Variants in TRIM9 observed in about 807,000 individuals in gnomAD.
TRIM9 encodes E3 ubiquitin-protein ligase TRIM9.
TRIM9 carries 26 observed loss-of-function variants against 78.3 expected under a neutral mutation model. The ratio of observed to expected loss-of-function variants is 0.33; its 90% CI spans 0.24 to 0.46. The LOEUF is 0.46. TRIM9 is among the 20% of genes least tolerant of loss of function. TRIM9 has a pLI of 1.00. For missense variants in TRIM9, 787 were observed against 1,036.4 expected (o/e 0.76, Z 3.30); for synonymous variants, 398 against 416.5 (o/e 0.96, Z 0.54).
chr14:50,977,513 C>T (rs1260385709), intron 12 of TRIM9, among the ~76,000 whole-genome samples, 160 bp from the exon 13 acceptor site: 2 of 152,196 alleles, frequency 1.3e-5, no homozygotes, highest in Admixed American at 1.3e-4. Flanking sequence ...AGAATCCTGC[C>T]TATGGTAACA....
chr14:50,992,317 CCTG>C (rs2053612974), intron 7 of TRIM9, among the ~76,000 whole-genome samples: 5 of 152,090 alleles, frequency 3.3e-5, no homozygotes, highest in African/African-American at 1.2e-4. Flanking sequence ...GTGGCTCATG[CCTG>C]TAATCCCAGC....
Position 50,986,082 on chromosome 14 carries a change from T to C in TRIM9, c.1666A>G (p.Arg556Gly), listed in dbSNP as rs1260598448. Residue 556 changes from arginine to glycine, a missense_variant, in exon 8 of 13, where the codon AGA becomes GGA. By Grantham distance (125) the Arg-to-Gly change is moderately radical (BLOSUM62 -2). This residue lies in a region of TRIM9 where 421 missense variants were observed against 514.3 expected (regional missense o/e 0.82). Coordinates refer to ENST00000684578, the MANE Select transcript of TRIM9 (RefSeq NM_001387360.1). The stretch of plus-strand genomic sequence containing the variant: ...AGGGTGGAGGAGAAAGGACTCATTC[T>C]ACGGAGCGGCAATCTTTCCGAAGGC... ...PVPSERLPLR[R>G]MSPFSSTLNL... is the part of the protein sequence containing the mutation. The C allele has an allele frequency of 1.3e-6, 2 of 1,548,710 alleles. No homozygotes were observed. The highest frequency in any genetic ancestry group is 1.7e-4 in the Middle Eastern group (1 of 5,988).
In TRIM9 at chr14:51,094,416, G is replaced by A; in HGVS notation, c.524C>T (p.Pro175Leu). The change falls in exon 1 of 13, where the codon CCC (proline) becomes CTC (leucine). Residue 175 changes from proline to leucine, a missense_variant. Transcript: ENST00000684578. ...TTCGCACATGACGGTGGCTTCCTTG[G>A]GCGCCTTCTCGCAGAGCTGGCACTT... ...ALKCQLCEKA[P>L]KEATVMCEQC... The A allele has an allele frequency of 1.9e-6, 3 of 1,613,964 alleles. No homozygotes were observed. Among genetic ancestry groups the A allele is most frequent in the Non-Finnish European group, 2.5e-6 (3 of 1,180,008 alleles).
chr14:51,015,500 CTTTTCTTTTT>C (rs2057072813), intron 3 of TRIM9, among the ~76,000 whole-genome samples: 1 of 103,478 alleles, frequency 9.7e-6, no homozygotes, highest in Non-Finnish European at 1.9e-5. Flanking sequence ...TCTTTCTTTA[CTTTTCTTTTT>C]TTTTTTTTTT....
At position 50,978,287 on chromosome 14, in the gene TRIM9, G is replaced by A. The variant is rs548752888; in HGVS notation, c.2326-934C>T. Among the ~76,000 whole-genome samples the A allele has an allele frequency of 3.9e-5, 6 of 152,324 alleles. No individual in the cohort carries two copies. In the East Asian group the frequency reaches 9.6e-4, roughly 24 times the overall value. ...CTGTAATTCTCAAGCCTTATCTCAAGACAACCATTTGTGGAATGAGGCTCA... is the reference window on the plus strand; with the variant it reads ...CTGTAATTCTCAAGCCTTATCTCAAAACAACCATTTGTGGAATGAGGCTCA... On this transcript the variant is annotated intron_variant, in intron 12 of 12. Transcript: ENST00000684578.
intron 3 of TRIM9, among the ~76,000 whole-genome samples, chr14:51,014,055 C>A (rs1348848412): frequency 1.3e-5 from 2 of 152,154 alleles, no homozygotes; most frequent in African/African-American, 4.8e-5. Context: ...AAGGACAGAT[C>A]AAATCTGAGC....
intron 1 of TRIM9, among the ~76,000 whole-genome samples, chr14:51,077,386 G>GTTTTTTTTTTTTTTTTTTTTTTTTTTT (rs146912763): frequency 1.0e-5 from 1 of 97,704 alleles, no homozygotes; most frequent in Non-Finnish European, 1.9e-5. Flanking sequence ...CTCCAATTCT[G>GTTTTTTTTTTTTTTTTTTTTTTTTTTT]TTTTTTTTTT....
intron 9 of TRIM9, 57 bp from the exon 10 acceptor site, chr14:50,983,022 T>A: frequency 6.6e-7 from 1 of 1,506,112 alleles, no homozygotes; most frequent in Non-Finnish European, 9.0e-7. Context: ...AAAATTGACA[T>A]GGATAAGAAA....
Position 51,000,704 on chromosome 14 carries a change from A to G in TRIM9, c.1443T>C (p.Asp481=), listed in dbSNP as rs1174161310. 1.2e-6 allele frequency: 2 copies of G among 1,614,052 alleles called. No individual in the cohort carries two copies. Among genetic ancestry groups the G allele is most frequent in the Non-Finnish European group, 1.7e-6 (2 of 1,180,006 alleles). The part of the protein sequence containing the change: ...PADGYILELD[D]GNGGQFREVY... The stretch of plus-strand genomic sequence containing the variant: ...TGACCCGGAATTGACCACCGTTGCC[A>G]TCATCCAGCTCCAGAATGTATCCAT... Residue 481 remains aspartate, a synonymous_variant, in exon 6 of 13, where the codon GAT becomes GAC. Transcript: ENST00000684578.
chr14:51,078,237 T>C (rs1397629739), intron 1 of TRIM9, among the ~76,000 whole-genome samples: 1 of 152,252 alleles, frequency 6.6e-6, no homozygotes, highest in Non-Finnish European at 1.5e-5. Context: ...GGAAGGAATG[T>C]AGTGGGTATA....
intron 5 of TRIM9, 21 bp downstream of exon 5, chr14:51,009,059 T>C (rs571438242): frequency 3.7e-6 from 6 of 1,612,650 alleles, no homozygotes; most frequent in Non-Finnish European, 4.2e-6. Context: ...GCTCTCTGAC[T>C]TGGGGGATGC....
chr14:51,007,800 C>CAAAAAAAAAAAAAAAAAAAAAA (rs3029461), intron 5 of TRIM9, among the ~76,000 whole-genome samples: 1 of 132,838 alleles, frequency 7.5e-6, no homozygotes, highest in African/African-American at 2.8e-5. Context: ...CATATTAAAC[C>CAAAAAAAAAAAAAAAAAAAAAA]AAAAAAAAAA....
intron 6 of TRIM9, among the ~76,000 whole-genome samples, chr14:51,000,335 C>G (rs2054810260): frequency 6.6e-6 from 1 of 152,152 alleles, no homozygotes; most frequent in Admixed American, 6.5e-5. Flanking sequence ...GAGATTCACG[C>G]TATTGTTATC....
At chr14:51,021,031 G>T (rs761752632) in intron 3 of TRIM9, among the ~76,000 whole-genome samples, 3 of 152,204 alleles carry the variant, frequency 2.0e-5, no homozygotes, top group Non-Finnish European at 4.4e-5. Flanking sequence ...GGGGAAAACT[G>T]TTCAGTTTCA....
intron 5 of TRIM9, among the ~76,000 whole-genome samples, chr14:51,004,355 G>A (rs2055481676): frequency 6.6e-6 from 1 of 152,172 alleles, no homozygotes; most frequent in Admixed American, 6.5e-5. Flanking sequence ...TCCAGTAGCA[G>A]CTTCTTATAC....
chr14:51,061,404 C>T (rs1364126347), intron 1 of TRIM9, among the ~76,000 whole-genome samples: 1 of 137,038 alleles, frequency 7.3e-6, no homozygotes, highest in African/African-American at 2.8e-5. Context: ...CAAAGCAAGA[C>T]TCTGTCTCAA....
At chr14:50,994,948 C>T (rs2054008180) in intron 7 of TRIM9, among the ~76,000 whole-genome samples, 1 of 152,200 alleles carries the variant, frequency 6.6e-6, no homozygotes, top group Middle Eastern at 3.2e-3. Flanking sequence ...TTTGATACAT[C>T]TCCAGGAACT....
At chr14:51,056,124 A>G (rs1368392606) in intron 1 of TRIM9, among the ~76,000 whole-genome samples, 1 of 152,242 alleles carries the variant, frequency 6.6e-6, no homozygotes, top group African/African-American at 2.4e-5. Context: ...AACGTCTACA[A>G]TGGTACAAAA....
intron 3 of TRIM9, among the ~76,000 whole-genome samples, chr14:51,015,403 A>T (rs1462228485): frequency 6.6e-6 from 1 of 151,286 alleles, no homozygotes; most frequent in African/African-American, 2.4e-5. Context: ...CATGACCTTG[A>T]CACCTTCCCC....
Sources: gnomAD v4.1 joint callset for allele counts (sites outside exome capture counted in the v4.1 genomes callset) on GRCh38, gnomAD v4.1.1 for gene constraint, gnomAD v4.1.1 regional missense constraint, MANE v1.5 for transcripts, NCBI Gene and HGNC (gene_info 2026-07-23, HGNC 2026-07-21) for gene names.